Variants in IQCM observed in about 807,000 individuals in gnomAD.
The protein encoded by IQCM is IQ motif containing M.
In IQCM, 45 loss-of-function variants were observed where a neutral mutation model predicts 57.6. The ratio of observed to expected loss-of-function variants is 0.78; its 90% CI spans 0.62 to 1.00. The LOEUF (loss-of-function observed/expected upper bound fraction) is 1.00, where lower values mean the gene tolerates loss of function less well. IQCM is among the 50% of genes least tolerant of loss of function. IQCM has a pLI of 0.00. For missense variants in IQCM, 468 were observed against 511.6 expected, an observed-to-expected ratio of 0.91 and a Z score of 0.82; for synonymous variants, 148 against 158.9, an observed-to-expected ratio of 0.93 and a Z score of 0.51.
chr4:149,563,370 C>T (rs1275325172), intron 10 of IQCM, among the ~76,000 whole-genome samples: 2 of 152,140 alleles, frequency 1.3e-5, no homozygotes, highest in Non-Finnish European at 2.9e-5. Flanking sequence ...TCCAACTTTG[C>T]ACAGCCTAAA....
chr4:149,563,334 A>G (rs915206553), intron 10 of IQCM, among the ~76,000 whole-genome samples: 1 of 152,178 alleles, frequency 6.6e-6, no homozygotes, highest in Non-Finnish European at 1.5e-5. Context: ...TAAGTTAAGG[A>G]TAAGTGAGGC....
intron 13 of IQCM, among the ~76,000 whole-genome samples, chr4:149,402,486 C>G (rs1057032566): frequency 1.1e-4 from 16 of 151,770 alleles, no homozygotes; most frequent in African/African-American, 3.6e-4. Context: ...AATACTAACT[C>G]TAGGCCATGA....
At chr4:149,614,241 G>A (rs762874056) in intron 8 of IQCM, among the ~76,000 whole-genome samples, 15 of 152,090 alleles carry the variant, frequency 9.9e-5, no homozygotes, top group Non-Finnish European at 2.1e-4. Flanking sequence ...CTATTTGCTC[G>A]TAATCCTGTA....
intron 4 of IQCM, among the ~76,000 whole-genome samples, chr4:149,734,782 C>T (rs1766781703): frequency 6.6e-6 from 1 of 152,074 alleles, no homozygotes; most frequent in African/African-American, 2.4e-5. Flanking sequence ...TGACCCTCCT[C>T]TGTCTCTTTG....
At position 149,563,770 on chromosome 4, in the gene IQCM, CA is replaced by C; in HGVS notation, c.869del (p.Leu290Ter). The C allele has an allele frequency of 8.1e-7, 1 of 1,231,982 alleles. No individual in the cohort carries two copies. Among genetic ancestry groups the C allele is most frequent in the Non-Finnish European group, 1.0e-6 (1 of 987,932 alleles). The allele number at this position is 1,231,982 out of a possible 1,614,324, so 76.3% of individuals were successfully genotyped here. ...ERKKFMITPK[L>X]IRMVTVMQAH... Reference sequence around the variant, plus strand: ...CCTGCATGACGGTGACCATTCTAATCAATTTTGGGGTAATCATGAATTTTTT... The same window carrying C: ...CCTGCATGACGGTGACCATTCTAATCATTTTGGGGTAATCATGAATTTTTT... On this transcript the variant is annotated frameshift_variant, in exon 10 of 14. Coordinates refer to ENST00000636793, the MANE Select transcript of IQCM (RefSeq NM_001363507.2). LOFTEE classifies it high-confidence loss of function.
chr4:149,649,463 T>A (rs1758957344), intron 7 of IQCM, among the ~76,000 whole-genome samples: 2 of 152,138 alleles, frequency 1.3e-5, no homozygotes, highest in Non-Finnish European at 2.9e-5. Context: ...ATATAGTTGG[T>A]CAAACAAAAA....
intron 9 of IQCM, among the ~76,000 whole-genome samples, chr4:149,565,657 C>A (rs556478424): frequency 3.3e-5 from 5 of 152,140 alleles, no homozygotes; most frequent in East Asian, 1.9e-4. Context: ...TACTTCCTGA[C>A]CTTCCTACTC....
intron 12 of IQCM, among the ~76,000 whole-genome samples, chr4:149,526,343 C>T (rs955672917): frequency 1.3e-5 from 2 of 151,924 alleles, no homozygotes; most frequent in Non-Finnish European, 1.5e-5. Context: ...AGAAGATTCT[C>T]ATGGCGATTC....
chr4:149,717,229 T>C lies in IQCM; in HGVS notation c.385+16015A>G, dbSNP rs568219002. 1.6e-4 allele frequency among the ~76,000 whole-genome samples: 24 copies of C among 152,294 alleles called. No homozygotes were observed. In the South Asian group the frequency reaches 4.1e-3, roughly 26 times the overall value. On this transcript the variant is annotated intron_variant, in intron 5 of 13. Coordinates refer to ENST00000636793, the MANE Select transcript of IQCM (RefSeq NM_001363507.2). Reference sequence around the variant, plus strand: ...TAGATGCTCATACTTGAGAATAGCATCTGAAGTGACGGGCAGTTTGAGGAC... The same window carrying C: ...TAGATGCTCATACTTGAGAATAGCACCTGAAGTGACGGGCAGTTTGAGGAC...
At chr4:149,756,991 G>T (rs1473789333) in intron 2 of IQCM, among the ~76,000 whole-genome samples, 1 of 152,230 alleles carries the variant, frequency 6.6e-6, no homozygotes, top group Admixed American at 6.5e-5. Flanking sequence ...GGGTGTGGTG[G>T]CTCACGCCTG....
At chr4:149,419,035 G>A (rs980928865) in intron 13 of IQCM, among the ~76,000 whole-genome samples, 8 of 152,132 alleles carry the variant, frequency 5.3e-5, no homozygotes, top group African/African-American at 1.9e-4. Flanking sequence ...TGGAAAGGAA[G>A]AGTCAATATC....
At chr4:149,627,089 C>T (rs537431717) in intron 7 of IQCM, among the ~76,000 whole-genome samples, 2 of 152,116 alleles carry the variant, frequency 1.3e-5, no homozygotes, top group East Asian at 1.9e-4. Context: ...GCTTCAGCAG[C>T]AGTATTTGAT....
rs201946807 is a variant in IQCM at position 149,368,992 on chromosome 4, GTATATATA to G, written c.1391-16934_1391-16927del. Reference sequence around the variant, plus strand: ...TATATATGTGTATATATATACACGTGTATATATATATATATACACGTGTATATATATAT... The same window carrying G: ...TATATATGTGTATATATATACACGTGTATATATACACGTGTATATATATAT... On this transcript the variant is annotated intron_variant, in intron 13 of 13. Transcript: ENST00000636793. 1.2e-4 allele frequency among the ~76,000 whole-genome samples: 4 copies of G among 32,210 alleles called. 2 individuals are homozygous for G. Among genetic ancestry groups the G allele is most frequent in the African/African-American group, 5.1e-4 (4 of 7,818 alleles). 21.1% of individuals were successfully genotyped at this position (32,210 alleles called of 152,430 possible). A position where few individuals can be genotyped will look rare whatever the true frequency, so the allele number is the denominator to read the frequency against.
chr4:149,594,086 C>A (rs1371884057), intron 8 of IQCM, among the ~76,000 whole-genome samples: 3 of 152,078 alleles, frequency 2.0e-5, no homozygotes, highest in African/African-American at 7.2e-5. Context: ...CCATCCGGTC[C>A]CGGACTATTT....
intron 9 of IQCM, among the ~76,000 whole-genome samples, chr4:149,580,157 C>T (rs1343458602): frequency 6.6e-6 from 1 of 151,728 alleles, no homozygotes; most frequent in East Asian, 2.0e-4. Flanking sequence ...ACGCAAGCCA[C>T]AAAAGATCTC....
intron 2 of IQCM, among the ~76,000 whole-genome samples, chr4:149,766,218 G>C (rs1454548317): frequency 1.3e-5 from 2 of 152,084 alleles, no homozygotes; most frequent in African/African-American, 4.8e-5. Flanking sequence ...TGGACTCCCT[G>C]TGGCTAACTG....
intron 13 of IQCM, among the ~76,000 whole-genome samples, chr4:149,409,920 T>C (rs1321451898): frequency 6.6e-6 from 1 of 152,174 alleles, no homozygotes; most frequent in East Asian, 1.9e-4. Context: ...GCCCGGTGGC[T>C]CATGCCTGTA....
At chr4:149,722,813 T>C (rs1670840329) in intron 5 of IQCM, among the ~76,000 whole-genome samples, 1 of 151,998 alleles carries the variant, frequency 6.6e-6, no homozygotes, top group African/African-American at 2.4e-5. Flanking sequence ...CTGTTTTCTC[T>C]AATTCTGTGG....
Position 149,563,903 on chromosome 4 carries a change from CAA to C in IQCM, c.750-15_750-14del. 8.5e-7 allele frequency: 1 copy of C among 1,174,268 alleles called. No homozygotes were observed. Among genetic ancestry groups the C allele is most frequent in the Non-Finnish European group, 1.1e-6 (1 of 935,534 alleles). 72.7% of individuals were successfully genotyped at this position (1,174,268 alleles called of 1,614,324 possible). A position where few individuals can be genotyped will look rare whatever the true frequency, so the allele number is the denominator to read the frequency against. ...AGTACCTTTTATCCTAAAAATAAAA[CAA>C]ATTTCTTATTATACATAATATGAAA... On this transcript the variant is annotated splice_polypyrimidine_tract_variant and intron_variant, in intron 9 of 13. Coordinates refer to ENST00000636793, the MANE Select transcript of IQCM (RefSeq NM_001363507.2).
Sources: gnomAD v4.1 joint callset for allele counts (sites outside exome capture counted in the v4.1 genomes callset) on GRCh38, gnomAD v4.1.1 for gene constraint, MANE v1.5 for transcripts, NCBI Gene and HGNC (gene_info 2026-07-23, HGNC 2026-07-21) for gene names.